ICE2: variants seen among roughly 807,000 people sequenced by gnomAD.
ICE2 encodes the protein little elongation complex subunit 2.
A neutral mutation model predicts 105.4 loss-of-function variants in ICE2; 87 were observed. That is an observed-to-expected ratio of 0.83 (90% CI 0.69 to 0.99). ICE2 has a LOEUF of 0.99. Among genes scored for constraint, ICE2 ranks in the 50% least tolerant of loss-of-function variants. The pLI, the probability that ICE2 is intolerant of heterozygous loss-of-function variation, is 0.00. For synonymous variants in ICE2, 399 were observed against 392.0 expected, an observed-to-expected ratio of 1.02 and a Z score of -0.21; for missense variants, 1,323 against 1,146.7, an observed-to-expected ratio of 1.15 and a Z score of -2.22.
rs34293839 is a variant in ICE2, at chr15:60,423,049, A to G, written c.*585T>C. 14,709 of 152,736 alleles carry G rather than the reference A, an allele frequency of 0.096. 913 individuals are homozygous for G. Among genetic ancestry groups the G allele is most frequent in the Middle Eastern group, 0.21 (62 of 292 alleles). 9.5% of individuals were successfully genotyped at this position (152,736 alleles called of 1,614,324 possible). ...TAAACAAACTGATGGTTGCCAAACAAGAAGTCAGTAATCTGACTTTTCAGA... is the reference window on the plus strand; with the variant it reads ...TAAACAAACTGATGGTTGCCAAACAGGAAGTCAGTAATCTGACTTTTCAGA... On this transcript the variant is annotated 3_prime_UTR_variant, in exon 16 of 16. Coordinates refer to ENST00000261520, the MANE Select transcript of ICE2 (RefSeq NM_024611.6).
intron 13 of ICE2, among the ~76,000 whole-genome samples, chr15:60,433,616 G>T (rs146777589): frequency 1.3e-5 from 2 of 151,702 alleles, no homozygotes; most frequent in Non-Finnish European, 2.9e-5. Context: ...TCAGCCACCC[G>T]AGTAGCTGGA....
At chr15:60,431,796 T>C (rs1292641732) in intron 14 of ICE2, 138 bp downstream of exon 14, 1 of 505,282 alleles carries the variant, frequency 2.0e-6, no homozygotes, top group Non-Finnish European at 3.6e-6. Flanking sequence ...ACAATATAAA[T>C]GTTTACATTT....
At chr15:60,460,387 A>G (rs1018844528) in intron 5 of ICE2, among the ~76,000 whole-genome samples, 3 of 152,176 alleles carry the variant, frequency 2.0e-5, no homozygotes, top group Non-Finnish European at 4.4e-5. Flanking sequence ...AATCTCAGCT[A>G]CTCGGTAGGC....
intron 12 of ICE2, chr15:60,441,259 A>C (rs1450422435): frequency 1.3e-5 from 2 of 152,216 alleles, no homozygotes; most frequent in Non-Finnish European, 2.9e-5. Flanking sequence ...CAGGCAGTAC[A>C]TCACCAATTA....
rs1326670575 is a variant in ICE2 at position 60,422,001 on chromosome 15, T to TC, written c.*1632dup. 1 of 83,340 alleles carries TC rather than the reference T, an allele frequency of 1.2e-5. No individual in the cohort carries two copies. The highest frequency in any genetic ancestry group is 3.0e-5 in the Non-Finnish European group (1 of 33,234). 5.2% of individuals were successfully genotyped at this position (83,340 alleles called of 1,614,324 possible). On this transcript the variant is annotated 3_prime_UTR_variant, in exon 16 of 16. Coordinates refer to ENST00000261520, the MANE Select transcript of ICE2 (RefSeq NM_024611.6). ...GAAATTAGGCCAAAAGAATAGCTATTCTTTACACAGAATAGCTAAAAAATT... is the reference window on the plus strand; with the variant it reads ...GAAATTAGGCCAAAAGAATAGCTATTCCTTTACACAGAATAGCTAAAAAATT...
intron 15 of ICE2, among the ~76,000 whole-genome samples, chr15:60,424,595 C>T (rs1301952941): frequency 2.6e-5 from 4 of 152,198 alleles, no homozygotes; most frequent in Non-Finnish European, 4.4e-5. Flanking sequence ...GCAACCTCCA[C>T]CTCCTGGGTT....
Position 60,479,071 on chromosome 15 carries a change from C to T in ICE2, c.-161G>A, listed in dbSNP as rs1397780736. ...CACACACGCTCCACCCCACTCCTCA[C>T]ATTGTCGCGCGCGCCCAAAAAAGAC... On this transcript the variant is annotated 5_prime_UTR_variant, in exon 1 of 16. In the 5' UTR this introduces an upstream ATG that the reference lacks. Coordinates refer to ENST00000261520, the MANE Select transcript of ICE2 (RefSeq NM_024611.6). 1 of 451,928 alleles carries T rather than the reference C, an allele frequency of 2.2e-6. No homozygotes were observed. Among genetic ancestry groups the T allele is most frequent in the South Asian group, 1.6e-5 (1 of 64,330 alleles). 28.0% of individuals were successfully genotyped at this position (451,928 alleles called of 1,614,324 possible).
At chr15:60,432,297 C>G (rs1371312244) in intron 13 of ICE2, among the ~76,000 whole-genome samples, 2 of 148,484 alleles carry the variant, frequency 1.3e-5, no homozygotes, top group Non-Finnish European at 3.0e-5. Flanking sequence ...AAGTGATTCT[C>G]TTGCCTCAGC....
chr15:60,453,351 A>C, intron 9 of ICE2: 1 of 1,241,216 alleles, frequency 8.1e-7, no homozygotes, highest in Non-Finnish European at 1.0e-6. Flanking sequence ...TTTAACATAA[A>C]ATATCAAACT....
intron 2 of ICE2, among the ~76,000 whole-genome samples, chr15:60,477,272 T>C (rs1287513604): frequency 1.3e-5 from 2 of 152,236 alleles, no homozygotes; most frequent in Admixed American, 1.3e-4. Flanking sequence ...GTCTCAGGGA[T>C]TGTGAGCTCC....
chr15:60,475,702 G>A (rs2064740818), intron 3 of ICE2, among the ~76,000 whole-genome samples: 1 of 151,944 alleles, frequency 6.6e-6, no homozygotes, highest in Non-Finnish European at 1.5e-5. Flanking sequence ...ATGTGTGCGT[G>A]TACACGTTAT....
At chr15:60,438,550 T>C (rs910461125) in intron 12 of ICE2, 1 of 152,196 alleles carries the variant, frequency 6.6e-6, no homozygotes, top group Non-Finnish European at 1.5e-5. Context: ...AGAAAGGAAA[T>C]ACTAAGCATA....
At chr15:60,437,048 T>A (rs1031344429) in intron 12 of ICE2, among the ~76,000 whole-genome samples, 1 of 151,642 alleles carries the variant, frequency 6.6e-6, no homozygotes. Context: ...AGGTCAGGAG[T>A]TCAAGACCAG....
chr15:60,423,575 A>G lies in ICE2; in HGVS notation c.*59T>C, dbSNP rs1399580521. On this transcript the variant is annotated 3_prime_UTR_variant, in exon 16 of 16. Coordinates refer to ENST00000261520, the MANE Select transcript of ICE2 (RefSeq NM_024611.6). ...CTACTGATTATTTTCCCTCAAACTT[A>G]TCTAAATTAAACACTGTTATAACTG... 3 of 1,478,718 alleles carry G rather than the reference A, an allele frequency of 2.0e-6. No individual in the cohort carries two copies. Among genetic ancestry groups the G allele is most frequent in the African/African-American group, 2.9e-5 (2 of 68,730 alleles). The allele number at this position is 1,478,718 out of a possible 1,614,324, so 91.6% of individuals were successfully genotyped here.
chr15:60,431,302 G>C (rs562712512), intron 14 of ICE2, among the ~76,000 whole-genome samples: 1 of 151,694 alleles, frequency 6.6e-6, no homozygotes, highest in Admixed American at 6.6e-5. Context: ...ATATTTAATC[G>C]TTTTGCAGGT....
intron 12 of ICE2, among the ~76,000 whole-genome samples, chr15:60,437,643 TTTTA>T (rs199736661): frequency 1.3e-5 from 2 of 149,600 alleles, no homozygotes; most frequent in Non-Finnish European, 3.0e-5. Flanking sequence ...GAAGTCTTAT[TTTTA>T]TTTATTTATT....
At chr15:60,449,961 A>C (rs2063922619) in intron 9 of ICE2, 120 bp from the exon 10 acceptor site, 3 of 742,240 alleles carry the variant, frequency 4.0e-6, no homozygotes, top group Non-Finnish European at 6.6e-6. Flanking sequence ...GAAAAGTCTA[A>C]TGGTTGTAAA....
At chr15:60,446,492 T>C (rs2063825260) in intron 11 of ICE2, among the ~76,000 whole-genome samples, 1 of 152,256 alleles carries the variant, frequency 6.6e-6, no homozygotes, top group Non-Finnish European at 1.5e-5. Flanking sequence ...GCCTCCCAGG[T>C]TCACGCCATT....
Position 60,428,680 on chromosome 15 carries a change from C to A in ICE2, c.2569G>T (p.Glu857Ter). 6.2e-7 allele frequency: 1 copy of A among 1,612,862 alleles called. No individual in the cohort carries two copies. Among genetic ancestry groups the A allele is most frequent in the Non-Finnish European group, 8.5e-7 (1 of 1,179,022 alleles). ...HILKKLSSLQ[E>*]GSYLLSHAAE... is the part of the protein sequence containing the mutation. ...GCATGAGATAACAAGTAGGAACCCT[C>A]CTGCAAGCTAAATTCACACAATGAA... is the stretch of plus-strand genomic sequence containing the variant. The change falls in exon 15 of 16, where the codon GAG (glutamate) becomes TAG (stop). Residue 857 changes from glutamate (E) to a stop codon, truncating the protein, a stop_gained. Coordinates refer to ENST00000261520, the MANE Select transcript of ICE2 (RefSeq NM_024611.6). LOFTEE classifies it high-confidence loss of function.
Sources: allele counts gnomAD v4.1 joint callset (sites outside exome capture counted in the v4.1 genomes callset), GRCh38; gene constraint gnomAD v4.1.1; transcripts MANE v1.5; gene names NCBI Gene and HGNC (gene_info 2026-07-23, HGNC 2026-07-21).